Variants in EPHA4 observed in about 807,000 individuals in gnomAD.
EPHA4 encodes the protein EPH receptor A4, also known as ephrin type-A receptor 4.
A neutral mutation model predicts 108.3 loss-of-function variants in EPHA4; 19 were observed. The observed-to-expected ratio is 0.18, with a 90% CI of 0.12 to 0.26. The LOEUF (loss-of-function observed/expected upper bound fraction) is 0.26. Ranked by LOEUF, EPHA4 falls within the 10% of genes least tolerant of loss-of-function variation. EPHA4 has a pLI of 1.00. For missense variants in EPHA4, 917 were observed against 1,254.0 expected (o/e 0.73, Z 4.06); for synonymous variants, 449 against 455.5 (o/e 0.99, Z 0.18).
At chr2:221,469,468 T>A (rs544483810) in intron 5 of EPHA4, among the ~76,000 whole-genome samples, 1 of 152,314 alleles carries the variant, frequency 6.6e-6, no homozygotes, top group East Asian at 1.9e-4. Context: ...GAAATCCTTT[T>A]AAATTAGATT....
chr2:221,444,353 G>A (rs973063049), intron 9 of EPHA4, among the ~76,000 whole-genome samples: 1 of 152,122 alleles, frequency 6.6e-6, no homozygotes, highest in African/African-American at 2.4e-5. Flanking sequence ...TGGGCCAAGA[G>A]GCAGAAGTCA....
At chr2:221,423,585 A>T (rs1689814881) in intron 17 of EPHA4, among the ~76,000 whole-genome samples, 1 of 152,126 alleles carries the variant, frequency 6.6e-6, no homozygotes, top group Non-Finnish European at 1.5e-5. Context: ...CTCTCCTTTG[A>T]TCCTTCCCTG....
chr2:221,537,998 A>G (rs1693720206), intron 3 of EPHA4, among the ~76,000 whole-genome samples: 1 of 151,718 alleles, frequency 6.6e-6, no homozygotes, highest in African/African-American at 2.4e-5. Flanking sequence ...TTTGTTTGCT[A>G]AAAAAAAAGG....
At chr2:221,535,979 G>C (rs529890276) in intron 3 of EPHA4, among the ~76,000 whole-genome samples, 3 of 152,254 alleles carry the variant, frequency 2.0e-5, no homozygotes, top group African/African-American at 4.8e-5. Flanking sequence ...TTCAACCCCA[G>C]GGTGTGGCAG....
intron 5 of EPHA4, among the ~76,000 whole-genome samples, chr2:221,481,709 T>A (rs1691825040): frequency 6.6e-6 from 1 of 152,126 alleles, no homozygotes. Flanking sequence ...TAAAGTAAAC[T>A]TCGTTAACTA....
At chr2:221,522,757 TA>T (rs1559278082) in intron 3 of EPHA4, among the ~76,000 whole-genome samples, 17 of 143,080 alleles carry the variant, frequency 1.2e-4, no homozygotes, top group African/African-American at 4.1e-4. Flanking sequence ...TTATTATTAT[TA>T]TTATTATTAT....
chr2:221,452,439 CCT>C (rs758065341), intron 8 of EPHA4, among the ~76,000 whole-genome samples: 1 of 152,232 alleles, frequency 6.6e-6, no homozygotes, highest in Non-Finnish European at 1.5e-5. Flanking sequence ...CTACCTGTCT[CCT>C]CTCTGTTCAC....
chr2:221,495,298 A>G lies in EPHA4; in HGVS notation c.979+5719T>C, dbSNP rs555788211. Among the ~76,000 whole-genome samples the G allele has an allele frequency of 7.2e-5, 11 of 152,344 alleles. No individual in the cohort carries two copies. In the South Asian group the frequency reaches 1.7e-3, roughly 23 times the overall value. On this transcript the variant is annotated intron_variant, in intron 4 of 17. Coordinates refer to ENST00000281821, the MANE Select transcript of EPHA4 (RefSeq NM_004438.5). ...TAGAGTCACCACTGAGCTGAAGAAC[A>G]GGTCTGAAAGTTACAGGCATCAAAA...
At chr2:221,443,716 C>T (rs567044282) in intron 9 of EPHA4, 110 bp from the exon 10 acceptor site, 25 of 724,874 alleles carry the variant, frequency 3.4e-5, no homozygotes, top group South Asian at 7.6e-5. Flanking sequence ...GTTAGCTGTA[C>T]GGTCTTGACA....
intron 5 of EPHA4, among the ~76,000 whole-genome samples, chr2:221,458,628 G>A (rs1324640263): frequency 6.6e-6 from 1 of 152,192 alleles, no homozygotes; most frequent in African/African-American, 2.4e-5. Flanking sequence ...TTTTACAAGA[G>A]CTGACATGTT....
intron 14 of EPHA4, among the ~76,000 whole-genome samples, chr2:221,430,478 C>T (rs2106092857): frequency 6.6e-6 from 1 of 152,246 alleles, no homozygotes; most frequent in Non-Finnish European, 1.5e-5. Context: ...CCCCTGCCTC[C>T]AGTCCCCTGC....
At chr2:221,495,001 CAAAA>C (rs5838887) in intron 4 of EPHA4, among the ~76,000 whole-genome samples, 5 of 85,520 alleles carry the variant, frequency 5.8e-5, no homozygotes, top group East Asian at 3.4e-4. Flanking sequence ...GCAATGTTGC[CAAAA>C]AAAAAAAAAA....
chr2:221,468,446 C>A (rs1015012183), intron 5 of EPHA4, among the ~76,000 whole-genome samples: 2 of 152,122 alleles, frequency 1.3e-5, no homozygotes, highest in African/African-American at 4.8e-5. Flanking sequence ...TCAAGCATTC[C>A]AAATCTGGAA....
chr2:221,443,975 C>T (rs1690511184), intron 9 of EPHA4, among the ~76,000 whole-genome samples: 1 of 152,196 alleles, frequency 6.6e-6, no homozygotes, highest in African/African-American at 2.4e-5. Flanking sequence ...GTTATCCTCC[C>T]TTAGGGAAGG....
intron 3 of EPHA4, among the ~76,000 whole-genome samples, chr2:221,516,188 C>G (rs1050936628): frequency 2.0e-5 from 3 of 152,084 alleles, no homozygotes; most frequent in Non-Finnish European, 4.4e-5. Context: ...AGAGGCCAGG[C>G]TCTGTGAAAA....
At chr2:221,431,386 C>T (rs1173385284) in intron 14 of EPHA4, among the ~76,000 whole-genome samples, 4 of 152,164 alleles carry the variant, frequency 2.6e-5, no homozygotes, top group African/African-American at 9.7e-5. Context: ...CTGTTGGGTC[C>T]AGGGTCCATG....
chr2:221,461,508 G>A (rs948014636), intron 5 of EPHA4, among the ~76,000 whole-genome samples: 1 of 152,008 alleles, frequency 6.6e-6, no homozygotes, highest in African/African-American at 2.4e-5. Flanking sequence ...AAAAGACCAA[G>A]TGGAAAAAAA....
rs1689675963 is a variant in EPHA4 at position 221,419,251 on chromosome 2, G to C, written c.*2121C>G. On this transcript the variant is annotated 3_prime_UTR_variant, in exon 18 of 18. Coordinates refer to ENST00000281821, the MANE Select transcript of EPHA4 (RefSeq NM_004438.5). ...CCGATTCTAGAAGGCTGATGCTCTTGTGAGGGCAACAGGAGTTAGCTGCAT... is the reference window on the plus strand; with the variant it reads ...CCGATTCTAGAAGGCTGATGCTCTTCTGAGGGCAACAGGAGTTAGCTGCAT... 6.6e-6 allele frequency: 1 copy of C among 152,602 alleles called. No individual in the cohort carries two copies. The highest frequency in any genetic ancestry group is 1.5e-5 in the Non-Finnish European group (1 of 68,036). 9.5% of individuals were successfully genotyped at this position (152,602 alleles called of 1,614,324 possible). A position where few individuals can be genotyped will look rare whatever the true frequency, so the allele number is the denominator to read the frequency against.
At position 221,473,726 on chromosome 2, in the gene EPHA4, A is replaced by T. The variant is rs184181974; in HGVS notation, c.1318+8626T>A. Among the ~76,000 whole-genome samples, 108 of 152,228 alleles carry T rather than the reference A, an allele frequency of 7.1e-4. 1 individual carries two copies. In the Middle Eastern group the frequency reaches 0.02, roughly 29 times the overall value. On this transcript the variant is annotated intron_variant, in intron 5 of 17. Coordinates refer to ENST00000281821, the MANE Select transcript of EPHA4 (RefSeq NM_004438.5). ...AATTGAGCCAGTTGGAGTGACAACTAGATAATTTAGAAGCCCATTGGAAAC... is the reference window on the plus strand; with the variant it reads ...AATTGAGCCAGTTGGAGTGACAACTTGATAATTTAGAAGCCCATTGGAAAC...
Sources: gnomAD v4.1 joint callset for allele counts (sites outside exome capture counted in the v4.1 genomes callset) on GRCh38, gnomAD v4.1.1 for gene constraint, MANE v1.5 for transcripts, NCBI Gene and HGNC (gene_info 2026-07-23, HGNC 2026-07-21) for gene names.